RIC1: variants seen among roughly 807,000 people sequenced by gnomAD.
RIC1 encodes the protein guanine nucleotide exchange factor subunit RIC1.
In RIC1, 88 loss-of-function variants were observed where a neutral mutation model predicts 169.0. The ratio of observed to expected loss-of-function variants is 0.52; its 90% CI spans 0.44 to 0.62. The LOEUF (loss-of-function observed/expected upper bound fraction) is 0.62. Among genes scored for constraint, RIC1 ranks in the 20% least tolerant of loss-of-function variants. RIC1 has a pLI of 0.00. For missense variants in RIC1, 1,877 were observed against 1,725.5 expected (o/e 1.09, Z -1.56); for synonymous variants, 790 against 601.5 (o/e 1.31, Z -4.59).
intron 7 of RIC1, among the ~76,000 whole-genome samples, chr9:5,737,126 C>A (rs1007446413): frequency 2.0e-5 from 3 of 152,118 alleles, no homozygotes; most frequent in African/African-American, 7.2e-5. Context: ...AAAACAGGAG[C>A]CTCATTTTCA....
chr9:5,739,028 C>G (rs913931680), intron 8 of RIC1, among the ~76,000 whole-genome samples: 1 of 152,114 alleles, frequency 6.6e-6, no homozygotes, highest in African/African-American at 2.4e-5. Flanking sequence ...ACTGTTAGAT[C>G]TGACATACAG....
intron 6 of RIC1, among the ~76,000 whole-genome samples, chr9:5,728,582 C>T (rs1824154030): frequency 6.6e-6 from 1 of 152,182 alleles, no homozygotes. Context: ...CCTGGTACTT[C>T]AGTTGGAAAT....
In RIC1 at chr9:5,629,404, C is replaced by T. The variant is rs1312511255; in HGVS notation, c.95C>T (p.Ala32Val). ...PFHVQSDPQR[A>V]FFAVLAAARL... ...CACGTTCAGTCCGACCCGCAGAGGG[C>T]TTTCTTCGCCGTGCTGGCCGCGGCC... The change falls in exon 1 of 26, where the codon GCT becomes GTT. Residue 32 changes from alanine (A) to valine (V), a missense_variant. Physicochemically the swap from Ala to Val is moderately conservative, Grantham distance 64. Coordinates refer to ENST00000414202, the MANE Select transcript of RIC1 (RefSeq NM_020829.4). 2.0e-6 allele frequency: 3 copies of T among 1,534,244 alleles called. No individual in the cohort carries two copies. Among genetic ancestry groups the T allele is most frequent in the African/African-American group, 1.4e-5 (1 of 72,866 alleles).
rs1195077157 is a variant in RIC1 at position 5,769,067 on chromosome 9, C to G, written c.3235C>G (p.Leu1079Val). 1.2e-6 allele frequency: 2 copies of G among 1,614,076 alleles called. No individual in the cohort carries two copies. Among genetic ancestry groups the G allele is most frequent in the Non-Finnish European group, 1.7e-6 (2 of 1,179,990 alleles). ...RLLEDVRLKD[L>V]GCFAAQLGFE... Reference sequence around the variant, plus strand: ...CTTAGAAGATGTGAGGTTAAAGGACCTTGGCTGCTTTGCAGCCCAGCTGGG... The same window carrying G: ...CTTAGAAGATGTGAGGTTAAAGGACGTTGGCTGCTTTGCAGCCCAGCTGGG... Residue 1079 changes from leucine (L) to valine (V), a missense_variant, in exon 22 of 26, where the codon CTT becomes GTT. By Grantham distance (32) the Leu-to-Val change is conservative (BLOSUM62 1). This residue lies in a region of RIC1 where 681 missense variants were observed against 582.0 expected (regional missense o/e 1.17). Transcript: ENST00000414202.
In RIC1 at chr9:5,736,423, A is replaced by G. The variant is rs138016210; in HGVS notation, c.813-2027A>G. 3.0e-4 allele frequency among the ~76,000 whole-genome samples: 45 copies of G among 152,364 alleles called. No individual in the cohort carries two copies. In the South Asian group the frequency reaches 8.7e-3, roughly 29 times the overall value. ...AAGGGACAGTGATTTCTGAAAGATG[A>G]GAAACAAAATTATCTCTCTGTAACT... On this transcript the variant is annotated intron_variant, in intron 7 of 25. Coordinates refer to ENST00000414202, the MANE Select transcript of RIC1 (RefSeq NM_020829.4).
intron 1 of RIC1, among the ~76,000 whole-genome samples, chr9:5,636,298 A>G (rs1057491853): frequency 6.6e-6 from 1 of 152,090 alleles, no homozygotes; most frequent in African/African-American, 2.4e-5. Flanking sequence ...TGGAGCTACC[A>G]TAAATGGTAT....
chr9:5,629,347 G>C lies in RIC1; in HGVS notation c.38G>C (p.Cys13Ser). The change falls in exon 1 of 26, where the codon TGC becomes TCC. Residue 13 changes from cysteine (C) to serine (S), a missense_variant. Around this residue, in one of 3 missense-constraint regions of RIC1, gnomAD observed 1,104 missense variants for 992.0 expected, o/e 1.11. Transcript: ENST00000414202. ...FLSGWPKRLLCPLGSPAEAPF... is the reference protein window; with the variant it reads ...FLSGWPKRLLSPLGSPAEAPF... The stretch of plus-strand genomic sequence containing the variant: ...AGCGGCTGGCCCAAGAGGCTGCTGT[G>C]CCCTCTGGGGAGCCCGGCCGAGGCG... 1 of 1,532,976 alleles carries C rather than the reference G, an allele frequency of 6.5e-7. No homozygotes were observed. The highest frequency in any genetic ancestry group is 8.7e-7 in the Non-Finnish European group (1 of 1,145,776). 95.0% of individuals were successfully genotyped at this position (1,532,976 alleles called of 1,614,324 possible). A position where few individuals can be genotyped will look rare whatever the true frequency, so the allele number is the denominator to read the frequency against.
chr9:5,685,994 G>A lies in RIC1; in HGVS notation c.253-3965G>A, dbSNP rs1821196693. ...CATGAACAGACACTTCTGAAAAGAA[G>A]ACATTTATGCAGCCAAAAAACACAT... On this transcript the variant is annotated intron_variant, in intron 2 of 25. Coordinates refer to ENST00000414202, the MANE Select transcript of RIC1 (RefSeq NM_020829.4). Among the ~76,000 whole-genome samples, 4 of 152,000 alleles carry A rather than the reference G, an allele frequency of 2.6e-5. No homozygotes were observed. In the South Asian group the frequency reaches 8.3e-4, roughly 32 times the overall value.
intron 3 of RIC1, among the ~76,000 whole-genome samples, chr9:5,711,966 A>G (rs547239611): frequency 1.3e-5 from 2 of 152,234 alleles, no homozygotes; most frequent in South Asian, 4.1e-4. Flanking sequence ...TTCTTAATCC[A>G]GTCTATCATT....
At chr9:5,772,441 A>T in intron 23 of RIC1, 123 bp from the exon 24 acceptor site, 1 of 729,218 alleles carries the variant, frequency 1.4e-6, no homozygotes, top group Non-Finnish European at 2.1e-6. Context: ...TTAGCCATGG[A>T]TTTCATGTTT....
At chr9:5,686,420 A>G (rs1237979495) in intron 2 of RIC1, among the ~76,000 whole-genome samples, 1 of 152,174 alleles carries the variant, frequency 6.6e-6, no homozygotes, top group Non-Finnish European at 1.5e-5. Context: ...AATGTGGCAC[A>G]TATACACCAT....
At chr9:5,753,350 A>C (rs563924204) in intron 13 of RIC1, 112 bp downstream of exon 13, 3 of 972,856 alleles carry the variant, frequency 3.1e-6, no homozygotes, top group Non-Finnish European at 4.9e-6. Flanking sequence ...CTCTTGATCT[A>C]TTGTAACATT....
chr9:5,727,253 C>CT, intron 6 of RIC1, among the ~76,000 whole-genome samples: 1 of 152,250 alleles, frequency 6.6e-6, no homozygotes, highest in East Asian at 1.9e-4. Context: ...TTGTTCATTT[C>CT]TTTTTACTCT....
At chr9:5,674,339 G>A (rs902200663) in intron 2 of RIC1, among the ~76,000 whole-genome samples, 1 of 152,110 alleles carries the variant, frequency 6.6e-6, no homozygotes, top group Non-Finnish European at 1.5e-5. Context: ...GTTAATTCAT[G>A]TTTTAAATAG....
At chr9:5,682,917 T>C (rs1025993365) in intron 2 of RIC1, among the ~76,000 whole-genome samples, 11 of 152,216 alleles carry the variant, frequency 7.2e-5, no homozygotes, top group Admixed American at 6.5e-5. Context: ...ATTCATTTCA[T>C]CTTCCATCGC....
intron 23 of RIC1, among the ~76,000 whole-genome samples, chr9:5,770,578 C>T (rs1426291520): frequency 6.6e-6 from 1 of 152,122 alleles, no homozygotes; most frequent in African/African-American, 2.4e-5. Flanking sequence ...AAAATGTTAT[C>T]CTCATATAAA....
At position 5,718,139 on chromosome 9, in the gene RIC1, C is replaced by CAAAAAAAAAAAAA. The variant is rs35477806; in HGVS notation, c.441-2028_441-2016dup. On this transcript the variant is annotated intron_variant, in intron 4 of 25. Transcript: ENST00000414202. ...TGGGCAACAGAGCAAGACTCCGTCTCAAAAAAAAAAAAAAAAAAAAAAAAA... is the reference window on the plus strand; with the variant it reads ...TGGGCAACAGAGCAAGACTCCGTCTCAAAAAAAAAAAAAAAAAAAAAAAAAAAAAAAAAAAAAA... Among the ~76,000 whole-genome samples the CAAAAAAAAAAAAA allele has an allele frequency of 7.1e-5, 2 of 28,080 alleles. 1 individual carries two copies. Among genetic ancestry groups the CAAAAAAAAAAAAA allele is most frequent in the African/African-American group, 2.4e-4 (2 of 8,412 alleles). 18.4% of individuals were successfully genotyped at this position (28,080 alleles called of 152,430 possible). A position where few individuals can be genotyped will look rare whatever the true frequency, so the allele number is the denominator to read the frequency against.
intron 2 of RIC1, among the ~76,000 whole-genome samples, chr9:5,664,185 G>A (rs765625623): frequency 4.6e-5 from 7 of 151,936 alleles, no homozygotes; most frequent in Non-Finnish European, 5.9e-5. Flanking sequence ...CAAGGCGGGC[G>A]GATAACGAGG....
intron 4 of RIC1, among the ~76,000 whole-genome samples, chr9:5,718,139 C>CAAAAAAAAAA (rs35477806): frequency 7.1e-5 from 2 of 28,090 alleles, no homozygotes; most frequent in African/African-American, 1.2e-4. Context: ...GACTCCGTCT[C>CAAAAAAAAAA]AAAAAAAAAA....
Sources: gnomAD v4.1 joint callset for allele counts (sites outside exome capture counted in the v4.1 genomes callset) on GRCh38, gnomAD v4.1.1 for gene constraint, gnomAD v4.1.1 regional missense constraint, MANE v1.5 for transcripts, NCBI Gene and HGNC (gene_info 2026-07-23, HGNC 2026-07-21) for gene names.